The following PPP2R2B variants were observed in gnomAD, a reference collection of about 807,000 sequenced individuals.
PPP2R2B encodes protein phosphatase 2 regulatory subunit Bbeta, also known as serine/threonine-protein phosphatase 2A 55 kDa regulatory subunit B beta isoform.
A neutral mutation model predicts 46.0 loss-of-function variants in PPP2R2B; 5 were observed. That is an observed-to-expected ratio of 0.11 (90% confidence interval 0.06 to 0.23). The LOEUF is 0.23. PPP2R2B is among the 10% of genes least tolerant of loss of function. PPP2R2B has a pLI of 1.00. For synonymous variants in PPP2R2B, 215 were observed against 206.7 expected (o/e 1.04, Z -0.34); for missense variants, 367 against 575.0 (o/e 0.64, Z 3.70).
At chr5:146,895,355 G>A (rs1008475039) in intron 1 of PPP2R2B, among the ~76,000 whole-genome samples, 14 of 152,158 alleles carry the variant, frequency 9.2e-5, no homozygotes, top group African/African-American at 3.1e-4. Flanking sequence ...TTTCACCACA[G>A]TGTAGCTCTA....
At chr5:146,889,985 C>A (rs1396629480) in intron 1 of PPP2R2B, among the ~76,000 whole-genome samples, 1 of 152,230 alleles carries the variant, frequency 6.6e-6, no homozygotes, top group East Asian at 1.9e-4. Flanking sequence ...AATTTGGTGA[C>A]AGACGAGCAT....
At chr5:146,623,407 T>A (rs1273721772) in intron 7 of PPP2R2B, among the ~76,000 whole-genome samples, 1 of 152,252 alleles carries the variant, frequency 6.6e-6, no homozygotes, top group Non-Finnish European at 1.5e-5. Context: ...TATATTCTCT[T>A]GTCCCACCAC....
chr5:146,603,103 C>T (rs1211608559), intron 7 of PPP2R2B, among the ~76,000 whole-genome samples: 1 of 152,178 alleles, frequency 6.6e-6, no homozygotes, highest in East Asian at 1.9e-4. Flanking sequence ...GTTTTCCCAG[C>T]TGCAAAAAGA....
intron 2 of PPP2R2B, among the ~76,000 whole-genome samples, chr5:146,822,486 C>T (rs1221846364): frequency 1.3e-5 from 2 of 150,628 alleles, no homozygotes; most frequent in East Asian, 3.9e-4. Context: ...TTTGCATTTA[C>T]TATTTTCTCT....
At chr5:147,074,082 G>A (rs187690472) in intron 2 of PPP2R2B, among the ~76,000 whole-genome samples, 21 of 152,030 alleles carry the variant, frequency 1.4e-4, no homozygotes, top group Middle Eastern at 3.4e-3. Flanking sequence ...AAATACACAG[G>A]TCCTTTGACT....
chr5:146,923,642 A>G (rs1305118633), intron 1 of PPP2R2B, among the ~76,000 whole-genome samples: 3 of 152,208 alleles, frequency 2.0e-5, no homozygotes, highest in Admixed American at 1.3e-4. Context: ...TAATTCAGCC[A>G]TTATTGAAGA....
In PPP2R2B at chr5:146,896,779, C is replaced by T. The variant is rs144842938; in HGVS notation, c.79+158886G>A. On this transcript the variant is annotated intron_variant, in intron 1 of 8. Transcript: ENST00000336640. ...AACTGAATATTCCAAGATTTAAAGGCGTTAGTGGGGGTTGTCAATACATGA... is the reference window on the plus strand; with the variant it reads ...AACTGAATATTCCAAGATTTAAAGGTGTTAGTGGGGGTTGTCAATACATGA... Among the ~76,000 whole-genome samples, 389 of 151,744 alleles carry T rather than the reference C, an allele frequency of 2.6e-3. 6 individuals carry two copies. Among genetic ancestry groups the T allele is most frequent in the Non-Finnish European group, 1.6e-3 (109 of 67,978 alleles).
intron 7 of PPP2R2B, among the ~76,000 whole-genome samples, chr5:146,629,804 C>G (rs1253087019): frequency 6.7e-6 from 1 of 149,288 alleles, no homozygotes; most frequent in Admixed American, 6.7e-5. Flanking sequence ...TCCTTTCTTT[C>G]CTTCCCCTCT....
At chr5:146,623,654 T>C (rs1440961193) in intron 7 of PPP2R2B, among the ~76,000 whole-genome samples, 1 of 152,252 alleles carries the variant, frequency 6.6e-6, no homozygotes, top group African/African-American at 2.4e-5. Context: ...GGATTAAGGA[T>C]GCCCATACAT....
intron 2 of PPP2R2B, among the ~76,000 whole-genome samples, chr5:146,823,640 A>G (rs1758405122): frequency 1.3e-5 from 2 of 152,128 alleles, no homozygotes; most frequent in South Asian, 4.2e-4. Flanking sequence ...TGCCACGTCC[A>G]CTTTAAAGTT....
At chr5:146,995,875 G>C (rs1043637133) in intron 1 of PPP2R2B, among the ~76,000 whole-genome samples, 2 of 152,146 alleles carry the variant, frequency 1.3e-5, no homozygotes, top group African/African-American at 4.8e-5. Flanking sequence ...ATTACTGTTG[G>C]GTGTGCCAGA....
intron 6 of PPP2R2B, among the ~76,000 whole-genome samples, 158 bp from the exon 7 acceptor site, chr5:146,638,573 C>G (rs1774979489): frequency 6.6e-6 from 1 of 152,154 alleles, no homozygotes. Context: ...GCAGATGAGG[C>G]TCAGGAACTT....
chr5:146,846,632 C>A (rs932890266), intron 2 of PPP2R2B, among the ~76,000 whole-genome samples: 3 of 151,706 alleles, frequency 2.0e-5, no homozygotes, highest in Admixed American at 2.0e-4. Flanking sequence ...GAGCCTAGAT[C>A]TTGCCACTGC....
chr5:147,072,289 A>G (rs566174181), intron 2 of PPP2R2B, among the ~76,000 whole-genome samples: 1 of 152,362 alleles, frequency 6.6e-6, no homozygotes, highest in Admixed American at 6.5e-5. Context: ...TGTTAAAAGT[A>G]GAAAAGTCCT....
chr5:146,660,841 A>G (rs1248149355), intron 5 of PPP2R2B, among the ~76,000 whole-genome samples: 1 of 152,224 alleles, frequency 6.6e-6, no homozygotes, highest in Non-Finnish European at 1.5e-5. Context: ...CAATCACTGT[A>G]TTAGGTAGTA....
intron 2 of PPP2R2B, among the ~76,000 whole-genome samples, chr5:146,717,431 A>T (rs1008254557): frequency 2.0e-5 from 3 of 152,244 alleles, no homozygotes; most frequent in Admixed American, 6.5e-5. Context: ...TCTTTCCAAC[A>T]CACACCATAG....
chr5:146,940,512 A>G (rs115395243), intron 1 of PPP2R2B, among the ~76,000 whole-genome samples: 3,594 of 84,668 alleles, frequency 0.042, 144 homozygotes, highest in African/African-American at 0.16. Flanking sequence ...TTGCTAGGGG[A>G]AAAAAAAAAA....
chr5:146,950,378 T>C (rs1034168960), intron 1 of PPP2R2B, among the ~76,000 whole-genome samples: 2 of 152,094 alleles, frequency 1.3e-5, no homozygotes, highest in African/African-American at 4.8e-5. Context: ...CTGATATCAC[T>C]GCCAAAGACA....
In PPP2R2B at chr5:147,000,755, A is replaced by G. The variant is rs78110218; in HGVS notation, c.79+54910T>C. Reference sequence around the variant, plus strand: ...ATAGTAATTGATTGAGATAACACCCATAGAGTACATAGTGTGTGGTTTTAG... The same window carrying G: ...ATAGTAATTGATTGAGATAACACCCGTAGAGTACATAGTGTGTGGTTTTAG... On this transcript the variant is annotated intron_variant, in intron 1 of 8. Transcript: ENST00000336640. Among the ~76,000 whole-genome samples the G allele has an allele frequency of 0.011, 1,653 of 151,986 alleles. 99 individuals are homozygous for G. The East Asian group carries it at 0.18, about 17-fold the overall frequency.
Sources: allele counts gnomAD v4.1 joint callset (sites outside exome capture counted in the v4.1 genomes callset), GRCh38; gene constraint gnomAD v4.1.1; transcripts MANE v1.5; gene names NCBI Gene and HGNC (gene_info 2026-07-23, HGNC 2026-07-21).